TMEM135: variants seen among roughly 807,000 people sequenced by gnomAD.
TMEM135 encodes the protein peroxisomal membrane protein 52.
TMEM135 carries 30 observed loss-of-function variants against 60.3 expected under a neutral mutation model. The observed-to-expected ratio is 0.50, with a 90% CI of 0.37 to 0.68. The LOEUF (loss-of-function observed/expected upper bound fraction) is 0.68. TMEM135 is among the 30% of genes least tolerant of loss of function. The probability of loss-of-function intolerance (pLI) is 0.00; values close to 1 mark genes in which losing one functional copy is unlikely to be tolerated. For synonymous variants in TMEM135, 190 were observed against 186.7 expected (o/e 1.02, Z -0.14); for missense variants, 468 against 548.8 (o/e 0.85, Z 1.47).
intron 4 of TMEM135, among the ~76,000 whole-genome samples, chr11:87,097,177 A>G (rs1857349895): frequency 6.6e-6 from 1 of 152,024 alleles, no homozygotes; most frequent in South Asian, 2.1e-4. Flanking sequence ...TTGTATTTCC[A>G]GTACAGACGG....
intron 5 of TMEM135, among the ~76,000 whole-genome samples, chr11:87,209,100 A>G (rs1465120591): frequency 6.6e-6 from 1 of 152,194 alleles, no homozygotes; most frequent in Non-Finnish European, 1.5e-5. Flanking sequence ...CAAAACATGT[A>G]TAAGGACATA....
chr11:87,122,440 TTTA>T (rs1384585574), intron 4 of TMEM135, among the ~76,000 whole-genome samples: 64 of 148,452 alleles, frequency 4.3e-4, no homozygotes, highest in South Asian at 4.2e-3. Context: ...AGTTTTTATA[TTTA>T]TTTATTTATT....
At chr11:87,237,371 TCTTATTGCC>T (rs1471646537) in intron 6 of TMEM135, among the ~76,000 whole-genome samples, 3 of 151,978 alleles carry the variant, frequency 2.0e-5, no homozygotes, top group African/African-American at 7.2e-5. Flanking sequence ...TTTATTTTAC[TCTTATTGCC>T]CTCATTTGGA....
At chr11:87,046,494 A>G (rs1300604351) in intron 1 of TMEM135, among the ~76,000 whole-genome samples, 1 of 152,258 alleles carries the variant, frequency 6.6e-6, no homozygotes, top group African/African-American at 2.4e-5. Context: ...CTTGCTTATT[A>G]GGATATGTAG....
chr11:87,298,826 G>A (rs1358937770), intron 7 of TMEM135, among the ~76,000 whole-genome samples: 3 of 145,434 alleles, frequency 2.1e-5, no homozygotes, highest in Non-Finnish European at 4.5e-5. Flanking sequence ...AGTGGCTCAC[G>A]CCTGTAATCC....
chr11:87,308,074 A>C (rs1481740826), intron 9 of TMEM135, among the ~76,000 whole-genome samples: 1 of 152,074 alleles, frequency 6.6e-6, no homozygotes, highest in African/African-American at 2.4e-5. Context: ...TTCCTTCCTA[A>C]CATTTATTAT....
intron 6 of TMEM135, among the ~76,000 whole-genome samples, chr11:87,267,698 G>A (rs1037910188): frequency 2.2e-5 from 3 of 138,322 alleles, no homozygotes; most frequent in African/African-American, 8.3e-5. Context: ...GTCATGATCA[G>A]TATTCTTTTT....
At chr11:87,057,928 G>A (rs975867025) in intron 1 of TMEM135, among the ~76,000 whole-genome samples, 3 of 152,128 alleles carry the variant, frequency 2.0e-5, no homozygotes, top group Admixed American at 1.3e-4. Context: ...TAATTCCAGT[G>A]TGAGTCCAAA....
At chr11:87,046,170 C>T (rs905546923) in intron 1 of TMEM135, among the ~76,000 whole-genome samples, 4 of 152,152 alleles carry the variant, frequency 2.6e-5, no homozygotes, top group African/African-American at 9.7e-5. Context: ...TTTTGGGAGG[C>T]TGAGGCGGGA....
chr11:87,311,131 A>G (rs1942635634), intron 10 of TMEM135, among the ~76,000 whole-genome samples: 1 of 151,654 alleles, frequency 6.6e-6, no homozygotes, highest in Non-Finnish European at 1.5e-5. Context: ...ATACGTACAC[A>G]TATACACACT....
rs148444738 is a variant in TMEM135 at position 87,268,969 on chromosome 11, T to A, written c.510-26813T>A. 1.8e-4 allele frequency among the ~76,000 whole-genome samples: 28 copies of A among 152,154 alleles called. No homozygotes were observed. In the East Asian group the frequency reaches 5.4e-3, roughly 29 times the overall value. Reference sequence around the variant, plus strand: ...TTTGTTTTTCTAAGTTTCTTATAAGTTTATTTAGATTTTTACCTTAAAAAT... The same window carrying A: ...TTTGTTTTTCTAAGTTTCTTATAAGATTATTTAGATTTTTACCTTAAAAAT... On this transcript the variant is annotated intron_variant, in intron 6 of 14. Coordinates refer to ENST00000305494, the MANE Select transcript of TMEM135 (RefSeq NM_022918.4).
intron 1 of TMEM135, among the ~76,000 whole-genome samples, chr11:87,060,327 G>T (rs979699074): frequency 3.9e-5 from 6 of 152,150 alleles, no homozygotes; most frequent in Admixed American, 1.3e-4. Context: ...CATCATGGGT[G>T]CCTTATTTAG....
chr11:87,323,007 G>A lies in TMEM135; in HGVS notation c.*1674G>A. 1 of 454,332 alleles carries A rather than the reference G, an allele frequency of 2.2e-6. No individual in the cohort carries two copies. The highest frequency in any genetic ancestry group is 4.4e-6 in the Non-Finnish European group (1 of 226,690). 28.1% of individuals were successfully genotyped at this position (454,332 alleles called of 1,614,324 possible). The stretch of plus-strand genomic sequence containing the variant: ...TACTGTGTTTACTGTTTAAAATGAA[G>A]TACTAAAGCCCTGAGAACTGCACCT... On this transcript the variant is annotated 3_prime_UTR_variant, in exon 15 of 15. Transcript: ENST00000305494.
At chr11:87,148,768 G>C (rs1470205371) in intron 4 of TMEM135, among the ~76,000 whole-genome samples, 2 of 152,048 alleles carry the variant, frequency 1.3e-5, no homozygotes, top group African/African-American at 4.8e-5. Context: ...TAATGGGTGA[G>C]AAATTTATTT....
At chr11:87,129,209 C>T (rs1219027020) in intron 4 of TMEM135, among the ~76,000 whole-genome samples, 2 of 112,384 alleles carry the variant, frequency 1.8e-5, no homozygotes, top group Non-Finnish European at 4.0e-5. Flanking sequence ...TTCCTTATTC[C>T]TTAATTTTTT....
chr11:87,322,428 TAA>T lies in TMEM135; in HGVS notation c.*1097_*1098del. The T allele has an allele frequency of 2.2e-6, 1 of 453,960 alleles. No homozygotes were observed. 28.1% of individuals were successfully genotyped at this position (453,960 alleles called of 1,614,324 possible). A position where few individuals can be genotyped will look rare whatever the true frequency, so the allele number is the denominator to read the frequency against. On this transcript the variant is annotated 3_prime_UTR_variant, in exon 15 of 15. Coordinates refer to ENST00000305494, the MANE Select transcript of TMEM135 (RefSeq NM_022918.4). ...ATTGTCACCATTTTTACTGTTAGAATAAAGAGGTGACACCATAAAGTCCTGCT... is the reference window on the plus strand; with the variant it reads ...ATTGTCACCATTTTTACTGTTAGAATAGAGGTGACACCATAAAGTCCTGCT...
At chr11:87,085,554 CG>C (rs1449629018) in intron 3 of TMEM135, among the ~76,000 whole-genome samples, 1 of 152,026 alleles carries the variant, frequency 6.6e-6, no homozygotes, top group African/African-American at 2.4e-5. Flanking sequence ...CTCAGGATTT[CG>C]AGACCAGCCT....
intron 4 of TMEM135, among the ~76,000 whole-genome samples, chr11:87,094,289 A>T (rs1591013940): frequency 6.6e-6 from 1 of 152,178 alleles, no homozygotes; most frequent in South Asian, 2.1e-4. Flanking sequence ...CAGTTCCTAT[A>T]TAATACTTTT....
chr11:87,137,255 A>G (rs1037231984), intron 4 of TMEM135, among the ~76,000 whole-genome samples: 2 of 133,808 alleles, frequency 1.5e-5, no homozygotes, highest in Non-Finnish European at 1.6e-5. Flanking sequence ...CTGGCACTCT[A>G]TGCCTATATC....
Sources: allele counts gnomAD v4.1 joint callset (sites outside exome capture counted in the v4.1 genomes callset), GRCh38; gene constraint gnomAD v4.1.1; transcripts MANE v1.5; gene names NCBI Gene and HGNC (gene_info 2026-07-23, HGNC 2026-07-21).